CDHR2: variants seen among roughly 807,000 people sequenced by gnomAD.
The protein encoded by CDHR2 is cadherin related family member 2, also known as cadherin-related family member 2.
CDHR2 carries 104 observed loss-of-function variants against 138.6 expected under a neutral mutation model. The observed-to-expected ratio is 0.75, with a 90% CI of 0.64 to 0.88. CDHR2 has a LOEUF of 0.88. Among genes scored for constraint, CDHR2 ranks in the 40% least tolerant of loss-of-function variants. The probability of loss-of-function intolerance (pLI) is 0.00; values close to 1 mark genes in which losing one functional copy is unlikely to be tolerated. For synonymous variants in CDHR2, 755 were observed against 742.8 expected, an observed-to-expected ratio of 1.02 and a Z score of -0.27; for missense variants, 1,624 against 1,727.6, an observed-to-expected ratio of 0.94 and a Z score of 1.06.
chr5:176,575,483 G>T, intron 9 of CDHR2, 23 bp from the exon 10 acceptor site: 1 of 1,614,188 alleles, frequency 6.2e-7, no homozygotes, highest in Non-Finnish European at 8.5e-7. Flanking sequence ...AGTTTGAGGA[G>T]CACTGACCAG....
In CDHR2 at chr5:176,558,562, T is replaced by C. The variant is rs562595510; in HGVS notation, c.-15-6776T>C. Among the ~76,000 whole-genome samples, 52 of 152,294 alleles carry C rather than the reference T, an allele frequency of 3.4e-4. No homozygotes were observed. The Middle Eastern group carries it at 0.01, about 30-fold the overall frequency. ...CCACGCCCAGCTAATTTTTTCTGTT[T>C]TTAGTAGAGACGGGGTTTCTCCATG... is the stretch of plus-strand genomic sequence containing the variant. On this transcript the variant is annotated intron_variant, in intron 1 of 31. Coordinates refer to ENST00000261944, the MANE Select transcript of CDHR2 (RefSeq NM_017675.6).
chr5:176,548,362 A>G (rs1757629394), upstream of CDHR2, among the ~76,000 whole-genome samples: 1 of 152,226 alleles, frequency 6.6e-6, no homozygotes, highest in African/African-American at 2.4e-5. Context: ...TTCTGTGTCA[A>G]CTGTGATGGC....
At chr5:176,575,909 G>C (rs368034310) in intron 11 of CDHR2, 43 bp from the exon 12 acceptor site, 37 of 1,580,392 alleles carry the variant, frequency 2.3e-5, no homozygotes, top group South Asian at 5.7e-5. Flanking sequence ...CTCTCTCTCT[G>C]AGCACTGGCT....
At chr5:176,575,259 C>T (rs752802702) in intron 8 of CDHR2, 21 bp from the exon 9 acceptor site, 19 of 1,614,100 alleles carry the variant, frequency 1.2e-5, no homozygotes, top group South Asian at 4.4e-5. Context: ...CGCTGGCTCA[C>T]GGGTGGCCAT....
chr5:176,551,430 G>T (rs1031429490), intron 1 of CDHR2, among the ~76,000 whole-genome samples: 1 of 152,196 alleles, frequency 6.6e-6, no homozygotes, highest in Admixed American at 6.5e-5. Flanking sequence ...TGGCCGGAGG[G>T]CTTGAGAACA....
rs866358041 is a variant in CDHR2 at position 176,580,544 on chromosome 5, G to A, written c.1819-799G>A. Among the ~76,000 whole-genome samples the A allele has an allele frequency of 2.2e-3, 303 of 137,838 alleles. 1 individual carries two copies. The highest frequency in any genetic ancestry group is 7.6e-3 in the African/African-American group (287 of 37,582). 90.4% of individuals were successfully genotyped at this position (137,838 alleles called of 152,430 possible). ...ACTCCACCTCAAAAAAAAAAAAAAAGAAAGAAAGAAAGAAAAAAAAGAAAA... is the reference window on the plus strand; with the variant it reads ...ACTCCACCTCAAAAAAAAAAAAAAAAAAAGAAAGAAAGAAAAAAAAGAAAA... On this transcript the variant is annotated intron_variant, in intron 16 of 31. Transcript: ENST00000261944.
chr5:176,592,540 T>A (rs1413790736), intron 30 of CDHR2, among the ~76,000 whole-genome samples, 183 bp from the exon 31 acceptor site: 4 of 150,546 alleles, frequency 2.7e-5, no homozygotes, highest in African/African-American at 9.8e-5. Flanking sequence ...GTGTTGGTGT[T>A]GAGGTGATGG....
Position 176,543,336 on chromosome 5 carries a change from GGCTGCGGCCCGCGCGCCGCCT to G in CDHR2, c.-16+570_-16+590del, listed in dbSNP as rs1757501418. ...CCGCTGCAGCCCAGGCTCGCGGTGC[GGCTGCGGCCCGCGCGCCGCCT>G]GCCGCGGCCCCTCTCCGGCCCGGTG... is the stretch of plus-strand genomic sequence containing the variant. On this transcript the variant is annotated intron_variant, in intron 1 of 31. Coordinates refer to the CDHR2 transcript ENST00000510636. The surrounding 1 kb of genome is among the most constrained non-coding windows in gnomAD (Gnocchi z 4.0). Among the ~76,000 whole-genome samples the G allele has an allele frequency of 6.8e-6, 1 of 147,952 alleles. No individual in the cohort carries two copies.
In CDHR2 at chr5:176,567,614, C is replaced by A. The variant is rs576808261; in HGVS notation, c.125-1064C>A. On this transcript the variant is annotated intron_variant, in intron 3 of 31. Transcript: ENST00000261944. ...TCAAGCAATTCTCCTGCCTCAGCCT[C>A]CCCAGTAGCTGGGATTATAGGCACG... Among the ~76,000 whole-genome samples the A allele has an allele frequency of 6.6e-5, 10 of 152,342 alleles. No individual in the cohort carries two copies. In the South Asian group the frequency reaches 1.5e-3, roughly 22 times the overall value.
In CDHR2 at chr5:176,576,991, G is replaced by T. The variant is rs897762453; in HGVS notation, c.1195-408G>T. 6.6e-6 allele frequency among the ~76,000 whole-genome samples: 1 copy of T among 152,060 alleles called. No individual in the cohort carries two copies. Among genetic ancestry groups the T allele is most frequent in the African/African-American group, 2.4e-5 (1 of 41,390 alleles). On this transcript the variant is annotated intron_variant, in intron 12 of 31. Transcript: ENST00000261944. The surrounding 1 kb of genome is among the most constrained non-coding windows in gnomAD (Gnocchi z 4.5). ...TAGGTGATACTGAGGGGTTGGAAAT[G>T]TTGCGTGGAGGACAGTGTCGGGTGG...
chr5:176,546,598 GATAAAAAAA>G (rs921664582), upstream of CDHR2, among the ~76,000 whole-genome samples: 2 of 151,448 alleles, frequency 1.3e-5, no homozygotes, highest in African/African-American at 4.9e-5. Flanking sequence ...ATATACAGTA[GATAAAAAAA>G]ATAATAAAAA....
chr5:176,546,012 G>A (rs542263674), upstream of CDHR2, among the ~76,000 whole-genome samples: 161 of 152,384 alleles, frequency 1.1e-3, no homozygotes, highest in African/African-American at 3.6e-3. Context: ...GGCAGGGAGA[G>A]GGGGCAGGGG....
intron 3 of CDHR2, among the ~76,000 whole-genome samples, chr5:176,567,360 G>A (rs1389356304): frequency 1.3e-5 from 2 of 152,074 alleles, no homozygotes; most frequent in African/African-American, 4.8e-5. Flanking sequence ...AGTAGAGACA[G>A]GGTTTTGCTA....
At chr5:176,563,958 T>TCAGGAGTTCAAGCC (rs1241532581) in intron 1 of CDHR2, among the ~76,000 whole-genome samples, 7 of 152,080 alleles carry the variant, frequency 4.6e-5, no homozygotes, top group African/African-American at 1.7e-4. Context: ...TCCCAGCTAC[T>TCAGGAGTTCAAGCC]CAGGAGTTCA....
chr5:176,588,890 G>T (rs1758760904), intron 21 of CDHR2, 141 bp from the exon 22 acceptor site: 3 of 808,044 alleles, frequency 3.7e-6, no homozygotes. Flanking sequence ...GAAACCATTT[G>T]CTTATTCGGG....
intron 1 of CDHR2, among the ~76,000 whole-genome samples, chr5:176,563,019 G>C (rs1757999165): frequency 6.6e-6 from 1 of 152,160 alleles, no homozygotes; most frequent in Non-Finnish European, 1.5e-5. Context: ...CTTATCAGGA[G>C]AAAGTTACTG....
At chr5:176,577,839 A>G in intron 14 of CDHR2, 41 bp downstream of exon 14, 1 of 1,603,300 alleles carries the variant, frequency 6.2e-7, no homozygotes, top group South Asian at 1.1e-5. Flanking sequence ...GGTCCCAGCA[A>G]GCGGGCGTGC....
In CDHR2 at chr5:176,585,996, C is replaced by T; in HGVS notation, c.2777C>T (p.Pro926Leu). ...ITIEDVNDNA[P>L]YFLPENKTFV... ...ATTGAGGACGTGAATGACAATGCACCCTATTTTCTGCCTGAGAATAAGACT... is the reference window on the plus strand; with the variant it reads ...ATTGAGGACGTGAATGACAATGCACTCTATTTTCTGCCTGAGAATAAGACT... Residue 926 changes from proline to leucine, a missense_variant, in exon 20 of 32, where the codon CCC (proline) becomes CTC (leucine). Around this residue, in one of 3 missense-constraint regions of CDHR2, gnomAD observed 556 missense variants for 565.7 expected, o/e 0.98. Transcript: ENST00000261944. The T allele has an allele frequency of 1.9e-6, 3 of 1,613,940 alleles. No individual in the cohort carries two copies. The highest frequency in any genetic ancestry group is 2.5e-6 in the Non-Finnish European group (3 of 1,179,924).
rs1758396626 is a variant in CDHR2, at chr5:176,576,964, G to A, written c.1195-435G>A. On this transcript the variant is annotated intron_variant, in intron 12 of 31. Coordinates refer to ENST00000261944, the MANE Select transcript of CDHR2 (RefSeq NM_017675.6). This position sits in a 1 kb window ranked among gnomAD's most constrained non-coding sequence, Gnocchi z 4.5. ...TGAGTAACTCTGGAGGGTGTATGGT[G>A]TTAGGTGATACTGAGGGGTTGGAAA... Among the ~76,000 whole-genome samples, 1 of 152,284 alleles carries A rather than the reference G, an allele frequency of 6.6e-6. No homozygotes were observed.
Sources: gnomAD v4.1 joint callset for allele counts (sites outside exome capture counted in the v4.1 genomes callset) on GRCh38, gnomAD v4.1.1 for gene constraint, gnomAD v4.1.1 regional missense constraint, Gnocchi (gnomAD v3.1) non-coding constraint, MANE v1.5 for transcripts, NCBI Gene and HGNC (gene_info 2026-07-23, HGNC 2026-07-21) for gene names.